The following SLC24A2 variants were observed in gnomAD, a reference collection of about 807,000 sequenced individuals.
SLC24A2 encodes solute carrier family 24 member 2, also known as sodium/potassium/calcium exchanger 2.
Under a neutral mutation model 62.0 loss-of-function variants are expected in SLC24A2, and 36 were observed. The observed-to-expected ratio is 0.58, with a 90% CI of 0.44 to 0.77. SLC24A2 has a LOEUF of 0.77. Ranked by LOEUF, SLC24A2 falls within the 30% of genes least tolerant of loss-of-function variation. The probability of loss-of-function intolerance (pLI) is 0.00; values close to 1 mark genes in which losing one functional copy is unlikely to be tolerated. For missense variants in SLC24A2, 846 were observed against 817.9 expected, an observed-to-expected ratio of 1.03 and a Z score of -0.42; for synonymous variants, 358 against 294.0, an observed-to-expected ratio of 1.22 and a Z score of -2.23.
intron 2 of SLC24A2, among the ~76,000 whole-genome samples, chr9:19,683,935 C>T (rs1220685348): frequency 1.3e-5 from 2 of 152,084 alleles, no homozygotes; most frequent in Admixed American, 1.3e-4. Context: ...TCACCATCTC[C>T]CCTCCTGGGG....
At chr9:19,924,816 C>T in the SLC24A2 span, among the ~76,000 whole-genome samples, 1 of 152,222 alleles carries the variant, frequency 6.6e-6, no homozygotes, top group Non-Finnish European at 1.5e-5. Context: ...TCTTCCTGCT[C>T]TCCTGTCTCT....
intron 2 of SLC24A2, among the ~76,000 whole-genome samples, chr9:19,698,644 G>A (rs1587172951): frequency 6.6e-6 from 1 of 152,242 alleles, no homozygotes; most frequent in Non-Finnish European, 1.5e-5. Context: ...GCCATGCAGT[G>A]TGCACTCTGG....
intron 2 of SLC24A2, among the ~76,000 whole-genome samples, chr9:19,756,619 G>A (rs1271204620): frequency 6.6e-6 from 1 of 152,152 alleles, no homozygotes; most frequent in East Asian, 1.9e-4. Context: ...GGGCAGTCAT[G>A]TAATTATGTG....
At chr9:19,948,252 C>T in the SLC24A2 span, among the ~76,000 whole-genome samples, 996 of 152,258 alleles carry the variant, frequency 6.5e-3, 13 homozygotes, top group African/African-American at 0.022. Flanking sequence ...TGTGAGTTGC[C>T]TAATCCAAAT....
chr9:19,742,362 T>C (rs756028930), intron 2 of SLC24A2, among the ~76,000 whole-genome samples: 4 of 152,218 alleles, frequency 2.6e-5, no homozygotes, highest in Admixed American at 6.5e-5. Flanking sequence ...CTATTTCATA[T>C]TAGCAGTCTG....
chr9:19,565,446 C>T (rs1835608745), intron 7 of SLC24A2, among the ~76,000 whole-genome samples: 1 of 150,970 alleles, frequency 6.6e-6, no homozygotes, highest in Non-Finnish European at 1.5e-5. Context: ...CTACAAACCA[C>T]TGCTCAATGA....
intron 2 of SLC24A2, among the ~76,000 whole-genome samples, chr9:19,738,074 T>C (rs1821562515): frequency 6.6e-6 from 1 of 151,944 alleles, no homozygotes; most frequent in Admixed American, 6.6e-5. Flanking sequence ...GCAAGATGAG[T>C]GAGGAAAAAA....
the SLC24A2 span, among the ~76,000 whole-genome samples, chr9:20,185,542 G>A: frequency 6.6e-6 from 1 of 151,638 alleles, no homozygotes; most frequent in Non-Finnish European, 1.5e-5. Context: ...GTGGGCGCCT[G>A]TAGTCCCAGC....
the SLC24A2 span, among the ~76,000 whole-genome samples, chr9:20,256,329 C>T: frequency 7.2e-5 from 11 of 152,264 alleles, no homozygotes; most frequent in Admixed American, 1.3e-4. Context: ...CCTCTAGTTG[C>T]AACCAGCTCT....
the SLC24A2 span, among the ~76,000 whole-genome samples, chr9:20,224,884 T>C: frequency 6.6e-6 from 1 of 151,916 alleles, no homozygotes; most frequent in East Asian, 2.0e-4. Context: ...CCTTGGCTGA[T>C]GGGAGCTACT....
the SLC24A2 span, among the ~76,000 whole-genome samples, chr9:19,925,361 C>T: frequency 6.6e-6 from 1 of 152,156 alleles, no homozygotes; most frequent in Non-Finnish European, 1.5e-5. Flanking sequence ...GCTGTATTTA[C>T]TTGATCTTTT....
At chr9:19,930,799 G>T in the SLC24A2 span, among the ~76,000 whole-genome samples, 1 of 152,212 alleles carries the variant, frequency 6.6e-6, no homozygotes, top group Admixed American at 6.5e-5. Context: ...CCAGAGACTT[G>T]CTGTAATTGT....
intron 2 of SLC24A2, among the ~76,000 whole-genome samples, chr9:19,735,857 G>A (rs1483770817): frequency 6.6e-6 from 1 of 151,330 alleles, no homozygotes; most frequent in Non-Finnish European, 1.5e-5. Context: ...AGGGCCTGTT[G>A]TGGGGTGGGG....
chr9:19,667,267 C>G (rs1292672911), intron 2 of SLC24A2, among the ~76,000 whole-genome samples: 1 of 152,158 alleles, frequency 6.6e-6, no homozygotes, highest in Admixed American at 6.5e-5. Context: ...TCAGGTGTCT[C>G]AAAATAAAAA....
At chr9:19,538,431 C>G (rs1342338000) in intron 8 of SLC24A2, among the ~76,000 whole-genome samples, 14 of 63,742 alleles carry the variant, frequency 2.2e-4, no homozygotes, top group Non-Finnish European at 3.6e-4. Context: ...TGAATTTTGT[C>G]AAAGGCTTTT....
chr9:20,105,775 C>A, the SLC24A2 span, among the ~76,000 whole-genome samples: 3 of 151,946 alleles, frequency 2.0e-5, no homozygotes, highest in South Asian at 6.2e-4. Flanking sequence ...ACCCTAACAT[C>A]ACAATTAAAA....
chr9:20,224,093 C>T, the SLC24A2 span, among the ~76,000 whole-genome samples: 2 of 152,020 alleles, frequency 1.3e-5, no homozygotes, highest in Non-Finnish European at 2.9e-5. Context: ...ATCCAATCAC[C>T]TCCAACCAGG....
the SLC24A2 span, among the ~76,000 whole-genome samples, chr9:19,865,759 T>TG: frequency 1.3e-5 from 2 of 152,086 alleles, no homozygotes; most frequent in African/African-American, 2.4e-5. Context: ...AGGGAAACAT[T>TG]GGGGAAATTC....
chr9:19,523,745 G>A (rs565985303), intron 9 of SLC24A2, among the ~76,000 whole-genome samples: 2 of 152,290 alleles, frequency 1.3e-5, no homozygotes, highest in South Asian at 2.1e-4. Context: ...TTGCAGGGGT[G>A]AGCCACGGCA....
Sources: gnomAD v4.1 joint callset for allele counts (sites outside exome capture counted in the v4.1 genomes callset) on GRCh38, gnomAD v4.1.1 for gene constraint, MANE v1.5 for transcripts, NCBI Gene and HGNC (gene_info 2026-07-23, HGNC 2026-07-21) for gene names.